ZCWPW2: variants seen among roughly 807,000 people sequenced by gnomAD.
ZCWPW2 encodes the protein zinc finger CW-type and PWWP domain containing 2.
Under a neutral mutation model 46.6 loss-of-function variants are expected in ZCWPW2, and 45 were observed. The observed-to-expected ratio is 0.96, with a 90% CI of 0.76 to 1.24. The LOEUF is 1.24. Among genes scored for constraint, ZCWPW2 ranks in the 50% most tolerant of loss-of-function variants. The pLI is 0.00. For missense variants in ZCWPW2, 429 were observed against 403.9 expected, an observed-to-expected ratio of 1.06 and a Z score of -0.53; for synonymous variants, 152 against 137.1, an observed-to-expected ratio of 1.11 and a Z score of -0.76.
At chr3:28,400,854 C>T (rs558550105) in intron 2 of ZCWPW2, among the ~76,000 whole-genome samples, 1 of 152,210 alleles carries the variant, frequency 6.6e-6, no homozygotes, top group African/African-American at 2.4e-5. Flanking sequence ...GCATAAATTT[C>T]ACAGGCTCTA....
chr3:28,403,622 T>A (rs944052568), intron 2 of ZCWPW2, among the ~76,000 whole-genome samples: 1 of 152,120 alleles, frequency 6.6e-6, no homozygotes, highest in Non-Finnish European at 1.5e-5. Flanking sequence ...TCTGGAGGCA[T>A]CACATTAACT....
At chr3:28,520,090 C>T (rs1226760347) in intron 8 of ZCWPW2, among the ~76,000 whole-genome samples, 1 of 150,310 alleles carries the variant, frequency 6.7e-6, no homozygotes, top group Admixed American at 6.7e-5. Flanking sequence ...CTGCAAGCTA[C>T]GCCTCCCGGA....
chr3:28,504,427 A>G (rs1349059083), intron 6 of ZCWPW2, among the ~76,000 whole-genome samples: 1 of 152,196 alleles, frequency 6.6e-6, no homozygotes, highest in Non-Finnish European at 1.5e-5. Context: ...TGCTTAAAGC[A>G]TTTGACAATG....
intron 5 of ZCWPW2, among the ~76,000 whole-genome samples, chr3:28,490,410 G>T (rs7629714): frequency 0.24 from 36,726 of 151,980 alleles, 4,752 homozygotes; most frequent in Admixed American, 0.29. Context: ...CAAAGACATG[G>T]AATTAACTTA....
At chr3:28,450,396 T>C (rs547789889) in intron 4 of ZCWPW2, among the ~76,000 whole-genome samples, 1 of 152,324 alleles carries the variant, frequency 6.6e-6, no homozygotes, top group African/African-American at 2.4e-5. Flanking sequence ...CAATATTATT[T>C]ATAATTTGTA....
intron 1 of ZCWPW2, among the ~76,000 whole-genome samples, chr3:28,367,751 A>T (rs1344158363): frequency 9.2e-5 from 14 of 152,164 alleles, no homozygotes; most frequent in Non-Finnish European, 2.9e-5. Flanking sequence ...AGGGTGTTAA[A>T]GTCTCCCATT....
chr3:28,392,801 C>A (rs1213716802), intron 2 of ZCWPW2, among the ~76,000 whole-genome samples: 1 of 151,266 alleles, frequency 6.6e-6, no homozygotes, highest in African/African-American at 2.4e-5. Context: ...TGGGCTGATA[C>A]AAAAACAATA....
intron 1 of ZCWPW2, among the ~76,000 whole-genome samples, chr3:28,368,690 AT>A: frequency 6.6e-6 from 1 of 152,208 alleles, no homozygotes; most frequent in South Asian, 2.1e-4. Flanking sequence ...TATTTCCTGA[AT>A]TTGAATGTTG....
At chr3:28,514,281 T>C (rs1323069018) in intron 7 of ZCWPW2, among the ~76,000 whole-genome samples, 159 bp downstream of exon 7, 1 of 151,810 alleles carries the variant, frequency 6.6e-6, no homozygotes, top group Admixed American at 6.6e-5. Flanking sequence ...CTTTCAGGAG[T>C]GCTAAACTGA....
chr3:28,521,027 G>T lies in ZCWPW2; in HGVS notation c.820G>T (p.Glu274Ter). The change falls in exon 9 of 10, where the codon GAG becomes TAG. Residue 274 changes from glutamate (E) to a stop codon, truncating the protein, a stop_gained. Transcript: ENST00000383768. LOFTEE classifies it high-confidence loss of function. ...GACGGAAGTTTTACTAAAAGAGCTG[G>T]AGCAAATGCTGCAGCAAGCACTGCA... Reference protein sequence around the residue: ...CETEVLLKELEQMLQQALQPT... With the variant: ...CETEVLLKEL 6.2e-7 allele frequency: 1 copy of T among 1,613,320 alleles called. No homozygotes were observed. Among genetic ancestry groups the T allele is most frequent in the South Asian group, 1.1e-5 (1 of 90,964 alleles).
intron 6 of ZCWPW2, among the ~76,000 whole-genome samples, chr3:28,499,291 A>C (rs747893317): frequency 9.9e-5 from 15 of 152,108 alleles, no homozygotes; most frequent in Non-Finnish European, 1.9e-4. Flanking sequence ...CTATTTCTCC[A>C]TATCCTCTCC....
intron 1 of ZCWPW2, among the ~76,000 whole-genome samples, chr3:28,388,428 C>A (rs1420685608): frequency 4.6e-5 from 7 of 152,162 alleles, no homozygotes; most frequent in African/African-American, 2.4e-5. Flanking sequence ...TATGATACAA[C>A]TATGTTGCAT....
Position 28,381,020 on chromosome 3 carries a change from ATTTGG to A in ZCWPW2, c.-133-9476_-133-9472del, listed in dbSNP as rs1297105336. Among the ~76,000 whole-genome samples, 5 of 28,080 alleles carry A rather than the reference ATTTGG, an allele frequency of 1.8e-4. 1 individual carries two copies. The highest frequency in any genetic ancestry group is 1.6e-4 in the African/African-American group (1 of 6,068). 18.4% of individuals were successfully genotyped at this position (28,080 alleles called of 152,430 possible). A position where few individuals can be genotyped will look rare whatever the true frequency, so the allele number is the denominator to read the frequency against. Reference sequence around the variant, plus strand: ...ATTTGGTATATATATATATATATATATTTGGTATATATATATATATATATTTGGTG... The same window carrying A: ...ATTTGGTATATATATATATATATATATATATATATATATATATATTTGGTG... On this transcript the variant is annotated intron_variant, in intron 1 of 9. Coordinates refer to ENST00000383768, the MANE Select transcript of ZCWPW2 (RefSeq NM_001040432.4).
At chr3:28,369,956 C>G in intron 1 of ZCWPW2, among the ~76,000 whole-genome samples, 1 of 152,198 alleles carries the variant, frequency 6.6e-6, no homozygotes, top group East Asian at 1.9e-4. Flanking sequence ...CCCTCCGAGC[C>G]AGGCACAGGA....
At chr3:28,476,741 G>A (rs553429677) in intron 4 of ZCWPW2, among the ~76,000 whole-genome samples, 6 of 152,142 alleles carry the variant, frequency 3.9e-5, no homozygotes, top group African/African-American at 1.4e-4. Context: ...ATGTAGAATC[G>A]GTGAAAGCAC....
At chr3:28,464,416 G>A (rs1698747839) in intron 4 of ZCWPW2, among the ~76,000 whole-genome samples, 1 of 151,920 alleles carries the variant, frequency 6.6e-6, no homozygotes, top group Non-Finnish European at 1.5e-5. Context: ...TAGGTTGAAA[G>A]CAACCAACTA....
rs148186348 is a variant in ZCWPW2 at position 28,401,096 on chromosome 3, G to A, written c.-14+10479G>A. On this transcript the variant is annotated intron_variant, in intron 2 of 9. Coordinates refer to ENST00000383768, the MANE Select transcript of ZCWPW2 (RefSeq NM_001040432.4). ...CGGGAGGCTGAGGCAGGAGAATGGCGTGAACCCGGGAGGCGGAGCTTGCAG... is the reference window on the plus strand; with the variant it reads ...CGGGAGGCTGAGGCAGGAGAATGGCATGAACCCGGGAGGCGGAGCTTGCAG... 2.5e-4 allele frequency among the ~76,000 whole-genome samples: 38 copies of A among 151,788 alleles called. No homozygotes were observed. In the East Asian group the frequency reaches 6.6e-3, roughly 27 times the overall value.
At chr3:28,474,586 C>CGTGTGCGTGT (rs1699156584) in intron 4 of ZCWPW2, among the ~76,000 whole-genome samples, 1 of 136,170 alleles carries the variant, frequency 7.3e-6, no homozygotes, top group Non-Finnish European at 1.6e-5. Context: ...TTAAATACAG[C>CGTGTGCGTGT]GTGTGTGTGT....
intron 2 of ZCWPW2, among the ~76,000 whole-genome samples, chr3:28,410,575 C>T (rs925233053): frequency 6.7e-6 from 1 of 149,810 alleles, no homozygotes; most frequent in Non-Finnish European, 1.5e-5. Context: ...AATACCCCTA[C>T]CTTCTGAATT....
Sources: gnomAD v4.1 joint callset for allele counts (sites outside exome capture counted in the v4.1 genomes callset) on GRCh38, gnomAD v4.1.1 for gene constraint, MANE v1.5 for transcripts, NCBI Gene and HGNC (gene_info 2026-07-23, HGNC 2026-07-21) for gene names.